SMG7: variants seen among roughly 807,000 people sequenced by gnomAD.
SMG7 encodes nonsense-mediated mRNA decay factor SMG7.
SMG7 carries 34 observed loss-of-function variants against 148.2 expected under a neutral mutation model. The observed-to-expected ratio is 0.23, with a 90% CI of 0.17 to 0.31. SMG7 has a LOEUF of 0.31. SMG7 is among the 10% of genes least tolerant of loss of function. The pLI is 1.00. For missense variants in SMG7, 1,114 were observed against 1,408.4 expected (o/e 0.79, Z 3.35); for synonymous variants, 492 against 515.1 (o/e 0.96, Z 0.61).
chr1:183,509,618 A>G (rs1041852970), intron 1 of SMG7, among the ~76,000 whole-genome samples: 6 of 152,208 alleles, frequency 3.9e-5, no homozygotes, highest in Non-Finnish European at 8.8e-5. Flanking sequence ...AAGAAAGCTA[A>G]TAATTGTCAT....
Position 183,505,895 on chromosome 1 carries a change from A to C in SMG7, c.30-6942A>C, listed in dbSNP as rs148108294. 8.7e-4 allele frequency among the ~76,000 whole-genome samples: 133 copies of C among 152,274 alleles called. 2 individuals are homozygous for C. In the East Asian group the frequency reaches 0.018, roughly 21 times the overall value. On this transcript the variant is annotated intron_variant, in intron 1 of 22. Transcript: ENST00000688051. ...ATTACCACTTCCTTACTTCAGTCTT[A>C]TATCTGTAGTAATCTTTCTAAAATG...
chr1:183,472,918 G>A (rs1651071239), intron 1 of SMG7: 4 of 391,906 alleles, frequency 1.0e-5, no homozygotes, highest in Non-Finnish European at 4.5e-6. Context: ...GTGCGCGCGC[G>A]CCCTTGGTCT....
At chr1:183,547,363 G>A (rs767928078) in intron 18 of SMG7, 111 bp downstream of exon 18, 253 of 1,034,056 alleles carry the variant, frequency 2.4e-4, no homozygotes, top group Non-Finnish European at 3.2e-4. Flanking sequence ...GTCCTTTTCA[G>A]AACTGTAAAA....
chr1:183,519,825 A>T (rs1366133048), intron 4 of SMG7, among the ~76,000 whole-genome samples: 1 of 152,184 alleles, frequency 6.6e-6, no homozygotes, highest in Non-Finnish European at 1.5e-5. Context: ...TGTATAAAGC[A>T]TTTTCTCTAA....
chr1:183,547,854 A>T (rs2761580), intron 18 of SMG7, among the ~76,000 whole-genome samples: 47,619 of 151,182 alleles, frequency 0.31, 8,156 homozygotes, highest in East Asian at 0.52. Context: ...CTAGAATCAC[A>T]TAAAATAAAA....
Position 183,527,849 on chromosome 1 carries a change from A to C in SMG7, c.485-107A>C. 5 of 721,836 alleles carry C rather than the reference A, an allele frequency of 6.9e-6. No homozygotes were observed. The highest frequency in any genetic ancestry group is 5.0e-5 in the South Asian group (3 of 59,594). The allele number at this position is 721,836 out of a possible 1,614,324, so 44.7% of individuals were successfully genotyped here. On this transcript the variant is annotated intron_variant, in intron 5 of 22. Coordinates refer to ENST00000688051, the MANE Select transcript of SMG7 (RefSeq NM_001375584.1). This position sits in a 1 kb window ranked among gnomAD's most constrained non-coding sequence, Gnocchi z 4.0. ...GTATTTTGTCTTTAATTTTAAATTA[A>C]CTTTAATGTCTTTATTATCTTTAGA...
Position 183,487,610 on chromosome 1 carries a change from C to T in SMG7, c.29+14961C>T, listed in dbSNP as rs143762013. Among the ~76,000 whole-genome samples, 352 of 152,310 alleles carry T rather than the reference C, an allele frequency of 2.3e-3. 2 individuals carry two copies. The highest frequency in any genetic ancestry group is 8.2e-3 in the African/African-American group (339 of 41,570). ...ACACTTTGCAGAACCTTGATTGTGTCAGTTACTTTGCATCCCTGATCCTAA... is the reference window on the plus strand; with the variant it reads ...ACACTTTGCAGAACCTTGATTGTGTTAGTTACTTTGCATCCCTGATCCTAA... On this transcript the variant is annotated intron_variant, in intron 1 of 22. Coordinates refer to ENST00000688051, the MANE Select transcript of SMG7 (RefSeq NM_001375584.1).
chr1:183,508,164 A>C (rs368682063), intron 1 of SMG7: 1 of 967,158 alleles, frequency 1.0e-6, no homozygotes. Context: ...TTTTATAACA[A>C]AACCATAGAA....
chr1:183,489,326 A>T (rs964817774), intron 1 of SMG7, among the ~76,000 whole-genome samples: 5 of 152,042 alleles, frequency 3.3e-5, no homozygotes, highest in African/African-American at 9.7e-5. Flanking sequence ...TGGGCTGGGC[A>T]AGGGAGGACA....
At chr1:183,526,239 C>G (rs1259082175) in intron 4 of SMG7, among the ~76,000 whole-genome samples, 1 of 151,506 alleles carries the variant, frequency 6.6e-6, no homozygotes, top group African/African-American at 2.4e-5. Context: ...ACCTCCGCCT[C>G]CTGGGTTCAA....
chr1:183,549,825 C>T lies in SMG7; in HGVS notation c.3035C>T (p.Ser1012Phe), dbSNP rs1196741269. 3 of 1,613,686 alleles carry T rather than the reference C, an allele frequency of 1.9e-6. No homozygotes were observed. In the African/African-American group the frequency reaches 4.0e-5, roughly 22 times the overall value. Reference protein sequence around the residue: ...EVYGKNLTSSSKAELSPSMAP... With the variant: ...EVYGKNLTSSFKAELSPSMAP... ...TATGGGAAAAACCTGACATCCAGCT[C>T]CAAAGCAGAACTCAGTCCCTCAATG... Residue 1012 changes from serine (S) to phenylalanine (F), a missense_variant, in exon 20 of 23, where the codon TCC becomes TTC. Physicochemically the swap from Ser to Phe is radical, Grantham distance 155. Transcript: ENST00000688051.
In SMG7 at chr1:183,533,951, C is replaced by G. The variant is rs570885292; in HGVS notation, c.1163+119C>G. Reference sequence around the variant, plus strand: ...AACAATAGAATACTGTATTTTCTGCCGACTCTCGGGAATTGAACTGAAGAC... The same window carrying G: ...AACAATAGAATACTGTATTTTCTGCGGACTCTCGGGAATTGAACTGAAGAC... On this transcript the variant is annotated intron_variant, in intron 10 of 22. Transcript: ENST00000688051. 54 of 773,128 alleles carry G rather than the reference C, an allele frequency of 7.0e-5. No homozygotes were observed. The South Asian group carries it at 1.0e-3, about 14-fold the overall frequency. The allele number at this position is 773,128 out of a possible 1,614,324, so 47.9% of individuals were successfully genotyped here. A position where few individuals can be genotyped will look rare whatever the true frequency, so the allele number is the denominator to read the frequency against.
chr1:183,489,057 C>T (rs532591584), intron 1 of SMG7, among the ~76,000 whole-genome samples: 8 of 151,848 alleles, frequency 5.3e-5, no homozygotes, highest in South Asian at 2.1e-4. Flanking sequence ...ATATCTTTCA[C>T]GTGTGTTAGA....
intron 1 of SMG7, among the ~76,000 whole-genome samples, chr1:183,498,916 C>G (rs923496000): frequency 3.3e-5 from 5 of 152,250 alleles, no homozygotes; most frequent in Non-Finnish European, 7.3e-5. Flanking sequence ...TTCATTCCCC[C>G]TCTCTTCCCC....
chr1:183,535,386 C>T (rs1339220608), intron 10 of SMG7, among the ~76,000 whole-genome samples: 2 of 152,104 alleles, frequency 1.3e-5, no homozygotes, highest in Non-Finnish European at 2.9e-5. Context: ...CTTTCCACTT[C>T]CTCCTATCAG....
chr1:183,507,079 A>G (rs1035178794), intron 1 of SMG7, among the ~76,000 whole-genome samples: 4 of 151,884 alleles, frequency 2.6e-5, no homozygotes, highest in Admixed American at 6.6e-5. Context: ...AGGCTTCGCT[A>G]TGTTGGCTAG....
At chr1:183,479,460 T>A (rs2102052796) in intron 1 of SMG7, among the ~76,000 whole-genome samples, 1 of 152,166 alleles carries the variant, frequency 6.6e-6, no homozygotes, top group East Asian at 1.9e-4. Context: ...TGAGAACCAC[T>A]GATTTAGAAA....
chr1:183,477,485 C>CATATGCGTATATATGCATATATACAT (rs1557935151), intron 1 of SMG7, among the ~76,000 whole-genome samples: 1 of 125,150 alleles, frequency 8.0e-6, no homozygotes, highest in Non-Finnish European at 1.8e-5. Context: ...CATATATACA[C>CATATGCGTATATATGCATATATACAT]GTGTGTGCAT....
At chr1:183,549,722 T>C (rs1288248069) in intron 19 of SMG7, 42 bp from the exon 20 acceptor site, 1 of 1,555,556 alleles carries the variant, frequency 6.4e-7, no homozygotes, top group Non-Finnish European at 8.8e-7. Context: ...TCAAATCTCT[T>C]TCCTTGGGGT....
Sources: gnomAD v4.1 joint callset for allele counts (sites outside exome capture counted in the v4.1 genomes callset) on GRCh38, gnomAD v4.1.1 for gene constraint, Gnocchi (gnomAD v3.1) non-coding constraint, MANE v1.5 for transcripts, NCBI Gene and HGNC (gene_info 2026-07-23, HGNC 2026-07-21) for gene names.